Variants in ITIH6 observed in about 807,000 individuals in gnomAD.
ITIH6 encodes the protein inter-alpha-trypsin inhibitor heavy chain H6.
ITIH6 carries 60 observed loss-of-function variants against 58.2 expected under a neutral mutation model. The observed-to-expected ratio is 1.03, with a 90% CI of 0.84 to 1.28. ITIH6 has a LOEUF of 1.28. ITIH6 is among the 50% of genes most tolerant of loss of function. The pLI is 0.00. For synonymous variants in ITIH6, 493 were observed against 417.4 expected, an observed-to-expected ratio of 1.18 and a Z score of -2.21; for missense variants, 1,290 against 1,021.1, an observed-to-expected ratio of 1.26 and a Z score of -3.59.
rs778096499 is a variant in ITIH6 at position 54,779,898 on chromosome X, A to G, written c.787-5701T>C. On this transcript the variant is annotated intron_variant, in intron 5 of 12. Coordinates refer to ENST00000218436, the MANE Select transcript of ITIH6 (RefSeq NM_198510.3). Reference sequence around the variant, plus strand: ...AACAAAAAAGATGAGGAGGAGCCATACAGAGAAAAAATCTATAAGAAGAGA... The same window carrying G: ...AACAAAAAAGATGAGGAGGAGCCATGCAGAGAAAAAATCTATAAGAAGAGA... Among the ~76,000 whole-genome samples, 6 of 111,999 alleles carry G rather than the reference A, an allele frequency of 5.4e-5. No individual in the cohort carries two copies. The South Asian group carries it at 2.2e-3, about 41-fold the overall frequency.
intron 6 of ITIH6, among the ~76,000 whole-genome samples, chrX:54,772,905 G>A (rs1387640420): frequency 9.0e-6 from 1 of 111,322 alleles, no homozygotes; most frequent in African/African-American, 3.3e-5. Context: ...TGAGTAGCTG[G>A]GACTACAGGT....
In ITIH6 at chrX:54,757,571, T is replaced by C. The variant is rs775968228; in HGVS notation, c.2503A>G (p.Asn835Asp). Residue 835 changes from asparagine to aspartate, a missense_variant, in exon 8 of 13, where the codon AAC (asparagine) becomes GAC (aspartate). Physicochemically the swap from Asn to Asp is conservative, Grantham distance 23 (BLOSUM62 1). Transcript: ENST00000218436. ...RPRVPAPKTR[N>D]NMPHLGPGIL... ...CCAGGCCCCAGGTGTGGCATGTTGT[T>C]TCGGGTCTTGGGAGCAGGAACCCTA... 107 of 1,208,288 alleles carry C rather than the reference T, an allele frequency of 8.9e-5. No individual in the cohort carries two copies. Among genetic ancestry groups the C allele is most frequent in the Non-Finnish European group, 1.2e-4 (105 of 894,623 alleles).
At chrX:54,756,308 A>G (rs1056545402) in intron 8 of ITIH6, among the ~76,000 whole-genome samples, 1 of 111,444 alleles carries the variant, frequency 9.0e-6, no homozygotes, top group Admixed American at 9.5e-5. Flanking sequence ...AGATTGTATG[A>G]GTTCAACTCT....
intron 6 of ITIH6, among the ~76,000 whole-genome samples, chrX:54,767,630 G>A: frequency 9.7e-6 from 1 of 102,621 alleles, no homozygotes; most frequent in East Asian, 3.0e-4. Flanking sequence ...CTTTATTTCT[G>A]CCTTCATTTC....
chrX:54,776,882 G>A (rs1476407327), intron 5 of ITIH6, among the ~76,000 whole-genome samples: 2 of 111,928 alleles, frequency 1.8e-5, no homozygotes, highest in African/African-American at 6.5e-5. Context: ...GGTGGCTATT[G>A]GGAGAGTGCT....
At chrX:54,784,562 T>C (rs1362046543) in intron 5 of ITIH6, among the ~76,000 whole-genome samples, 1 of 111,912 alleles carries the variant, frequency 8.9e-6, no homozygotes, top group East Asian at 2.8e-4. Flanking sequence ...AAAGAAGACA[T>C]ACAAATGGCA....
Position 54,758,634 on chromosome X carries a change from G to C in ITIH6, c.1440C>G (p.Asn480Lys). 1 of 1,211,893 alleles carries C rather than the reference G, an allele frequency of 8.3e-7. No individual in the cohort carries two copies. The highest frequency in any genetic ancestry group is 1.1e-6 in the Non-Finnish European group (1 of 895,505). The change falls in exon 8 of 13, where the codon AAC becomes AAG. Residue 480 changes from asparagine (N) to lysine (K), a missense_variant. Transcript: ENST00000218436. ...SMPLLADVRL[N>K]YLGGLVGASP... ...AGGCCCCAACCAAGCCACCCAGGTAGTTCAGACGCACATCTGCCAGCAGAG... is the reference window on the plus strand; with the variant it reads ...AGGCCCCAACCAAGCCACCCAGGTACTTCAGACGCACATCTGCCAGCAGAG...
chrX:54,754,899 C>A, intron 9 of ITIH6, 118 bp downstream of exon 9: 1 of 521,256 alleles, frequency 1.9e-6, no homozygotes, highest in Non-Finnish European at 3.2e-6. Context: ...ATAAATGTTA[C>A]ACAACAATAG....
At chrX:54,768,709 C>T (rs1358355962) in intron 6 of ITIH6, among the ~76,000 whole-genome samples, 1 of 104,077 alleles carries the variant, frequency 9.6e-6, no homozygotes, top group African/African-American at 3.7e-5. Flanking sequence ...TATTGGCCCC[C>T]ACTCTCTTCT....
At chrX:54,768,940 G>T (rs1409189252) in intron 6 of ITIH6, among the ~76,000 whole-genome samples, 2 of 109,150 alleles carry the variant, frequency 1.8e-5, no homozygotes, top group African/African-American at 6.9e-5. Flanking sequence ...TGCTAGATTG[G>T]GGAAGTTCTC....
chrX:54,750,083 G>A lies in ITIH6; in HGVS notation c.3754C>T (p.Arg1252Ter), dbSNP rs762015353. ...GGCCCCATAGGTCCTGTCACCAGTC[G>A]GATGTCTGCGTGCTGGAACTGCCCT... ...LIGQFQHADI[R>*]LVTGPMGPCL... is the part of the protein sequence containing the mutation. The change falls in exon 13 of 13, where the codon CGA becomes TGA. Residue 1252 changes from arginine to a stop codon, truncating the protein, a stop_gained. Transcript: ENST00000218436. LOFTEE classifies it high-confidence loss of function. 3.3e-6 allele frequency: 4 copies of A among 1,208,120 alleles called. No homozygotes were observed. Among genetic ancestry groups the A allele is most frequent in the Middle Eastern group, 2.5e-4 (1 of 4,054 alleles).
intron 5 of ITIH6, among the ~76,000 whole-genome samples, chrX:54,784,675 C>T (rs1186693190): frequency 9.0e-6 from 1 of 111,647 alleles, no homozygotes; most frequent in African/African-American, 3.3e-5. Context: ...TGGCTTCTAT[C>T]CCAGAGACAG....
At chrX:54,772,040 A>G (rs1928961997) in intron 6 of ITIH6, among the ~76,000 whole-genome samples, 1 of 112,372 alleles carries the variant, frequency 8.9e-6, no homozygotes, top group Admixed American at 9.4e-5. Context: ...ATAAAGACTC[A>G]TGCACATGTA....
intron 5 of ITIH6, among the ~76,000 whole-genome samples, chrX:54,775,485 C>T (rs1210503574): frequency 9.0e-6 from 1 of 111,070 alleles, no homozygotes; most frequent in Non-Finnish European, 1.9e-5. Context: ...AAACCTCCTC[C>T]CTCAGCCTAA....
At chrX:54,773,192 C>G (rs1928987501) in intron 6 of ITIH6, among the ~76,000 whole-genome samples, 1 of 111,737 alleles carries the variant, frequency 8.9e-6, no homozygotes, top group African/African-American at 3.3e-5. Context: ...AGGAAGCATT[C>G]TATACTCTTA....
chrX:54,764,368 C>T (rs957602654), intron 6 of ITIH6, among the ~76,000 whole-genome samples: 1 of 108,243 alleles, frequency 9.2e-6, no homozygotes, highest in Admixed American at 1.0e-4. Context: ...ACTAACTCGT[C>T]ATCTAGTATT....
chrX:54,753,357 T>C (rs140795306), intron 11 of ITIH6, among the ~76,000 whole-genome samples: 1,307 of 112,611 alleles, frequency 0.012, 15 homozygotes, highest in African/African-American at 0.039. Context: ...AGAAACAATG[T>C]TTATGTTTTT....
In ITIH6 at chrX:54,750,204, G is replaced by A. The variant is rs140339263; in HGVS notation, c.3731-98C>T. The A allele has an allele frequency of 5.4e-3, 3,374 of 625,915 alleles. 77 individuals carry two copies. The African/African-American group carries it at 0.068, about 13-fold the overall frequency. 51.6% of individuals were successfully genotyped at this position (625,915 alleles called of 1,213,427 possible). A position where few individuals can be genotyped will look rare whatever the true frequency, so the allele number is the denominator to read the frequency against. ...AGCAGGAAATCCAGAGGGATTTAAAGGAGGAAGAAGGAGGGGCAGCAAAAG... is the reference window on the plus strand; with the variant it reads ...AGCAGGAAATCCAGAGGGATTTAAAAGAGGAAGAAGGAGGGGCAGCAAAAG... On this transcript the variant is annotated intron_variant, in intron 12 of 12. Coordinates refer to ENST00000218436, the MANE Select transcript of ITIH6 (RefSeq NM_198510.3).
At chrX:54,753,414 C>A (rs1018030462) in intron 11 of ITIH6, among the ~76,000 whole-genome samples, 1 of 111,442 alleles carries the variant, frequency 9.0e-6, no homozygotes, top group Non-Finnish European at 1.9e-5. Flanking sequence ...TTTTGAAGTT[C>A]CATCATATTT....
Sources: allele counts gnomAD v4.1 joint callset (sites outside exome capture counted in the v4.1 genomes callset), GRCh38; gene constraint gnomAD v4.1.1; transcripts MANE v1.5; gene names NCBI Gene and HGNC (gene_info 2026-07-23, HGNC 2026-07-21).